Variants in EFHD1 observed in about 807,000 individuals in gnomAD.
The protein encoded by EFHD1 is EF-hand domain family member D1.
Under a neutral mutation model 17.2 loss-of-function variants are expected in EFHD1, and 10 were observed. That is an observed-to-expected ratio of 0.58 (90% CI 0.36 to 0.99). EFHD1 has a LOEUF of 0.99. Ranked by LOEUF, EFHD1 falls within the 50% of genes least tolerant of loss-of-function variation. The pLI is 0.01. For missense variants in EFHD1, 310 were observed against 327.5 expected (o/e 0.95, Z 0.41); for synonymous variants, 153 against 142.0 (o/e 1.08, Z -0.55).
upstream of EFHD1, among the ~76,000 whole-genome samples, chr2:232,629,615 C>T (rs568384345): frequency 5.9e-5 from 9 of 152,098 alleles, no homozygotes; most frequent in South Asian, 1.5e-3. Context: ...ACTACAGGTG[C>T]GTGTCACCAC....
rs551211470 is a variant in EFHD1, at chr2:232,606,908, A to T, written c.14+735A>T. Reference sequence around the variant, plus strand: ...CCGTCTCAAAAAAATAAAATAAAATAAAAATTAAAAAAAAATAAAGTTGGG... The same window carrying T: ...CCGTCTCAAAAAAATAAAATAAAATTAAAATTAAAAAAAAATAAAGTTGGG... On this transcript the variant is annotated intron_variant, in intron 1 of 3. Transcript: ENST00000409613. Among the ~76,000 whole-genome samples the T allele has an allele frequency of 4.4e-5, 6 of 135,848 alleles. No individual in the cohort carries two copies. In the East Asian group the frequency reaches 5.9e-4, roughly 13 times the overall value. The allele number at this position is 135,848 out of a possible 152,430, so 89.1% of individuals were successfully genotyped here.
intron 1 of EFHD1, among the ~76,000 whole-genome samples, chr2:232,647,134 A>G (rs1694545631): frequency 6.6e-6 from 1 of 152,228 alleles, no homozygotes; most frequent in East Asian, 1.9e-4. Context: ...CCTCATGACC[A>G]CTCGGTGTGC....
intron 1 of EFHD1, among the ~76,000 whole-genome samples, chr2:232,613,643 C>CATACACACACACACACAA (rs1553594022): frequency 4.4e-5 from 6 of 135,466 alleles, no homozygotes; most frequent in African/African-American, 1.7e-4. Context: ...TATACACACA[C>CATACACACACACACACAA]ATACACACAC....
chr2:232,647,886 C>T (rs1694564083), intron 1 of EFHD1, among the ~76,000 whole-genome samples: 1 of 152,162 alleles, frequency 6.6e-6, no homozygotes, highest in African/African-American at 2.4e-5. Flanking sequence ...ATCCACCCAC[C>T]TCGGCCTCCC....
chr2:232,609,023 A>AAAAATG (rs146949273), intron 1 of EFHD1, among the ~76,000 whole-genome samples: 5,498 of 148,934 alleles, frequency 0.037, 347 homozygotes, highest in African/African-American at 0.14. Flanking sequence ...ACAAGACCAA[A>AAAAATG]AAAATGTTTA....
chr2:232,654,206 C>CA (rs929121448), intron 1 of EFHD1, among the ~76,000 whole-genome samples: 7,010 of 82,418 alleles, frequency 0.085, 210 homozygotes, highest in African/African-American at 0.1. Flanking sequence ...GACTCCATCT[C>CA]AAAAAAAAAA....
In EFHD1 at chr2:232,648,593, G is replaced by A. The variant is rs1574718181; in HGVS notation, c.303-14209G>A. 2.0e-5 allele frequency among the ~76,000 whole-genome samples: 3 copies of A among 152,218 alleles called. No individual in the cohort carries two copies. In the East Asian group the frequency reaches 5.8e-4, roughly 29 times the overall value. ...AGGCACAGCTGGGGACACCCATAGGGTAACCCCAGGAGGGCCCCTGGGAAG... is the reference window on the plus strand; with the variant it reads ...AGGCACAGCTGGGGACACCCATAGGATAACCCCAGGAGGGCCCCTGGGAAG... On this transcript the variant is annotated intron_variant, in intron 1 of 3. Transcript: ENST00000264059.
intron 1 of EFHD1, among the ~76,000 whole-genome samples, chr2:232,625,232 A>G (rs1694086546): frequency 6.6e-6 from 1 of 152,050 alleles, no homozygotes; most frequent in African/African-American, 2.4e-5. Context: ...AGGCTCAAGC[A>G]ATCCTCCCAC....
chr2:232,661,290 A>G (rs1694863394), intron 1 of EFHD1, among the ~76,000 whole-genome samples: 1 of 152,078 alleles, frequency 6.6e-6, no homozygotes, highest in Non-Finnish European at 1.5e-5. Context: ...TTGAATCTCT[A>G]TCCATTGAAC....
intron 2 of EFHD1, among the ~76,000 whole-genome samples, chr2:232,666,255 A>T (rs897741400): frequency 1.3e-5 from 2 of 152,140 alleles, no homozygotes; most frequent in Non-Finnish European, 2.9e-5. Context: ...GGCCACAGAG[A>T]TCTGGATTTG....
At chr2:232,639,175 C>A (rs140393406) in intron 1 of EFHD1, among the ~76,000 whole-genome samples, 2 of 152,230 alleles carry the variant, frequency 1.3e-5, no homozygotes, top group Non-Finnish European at 2.9e-5. Context: ...CCTCCACCAT[C>A]CTTGTTACAG....
upstream of EFHD1, among the ~76,000 whole-genome samples, chr2:232,629,491 T>C (rs1175275888): frequency 6.6e-6 from 1 of 152,124 alleles, no homozygotes; most frequent in African/African-American, 2.4e-5. Flanking sequence ...TTTTTTCATA[T>C]GGAGTCTCAC....
intron 1 of EFHD1, among the ~76,000 whole-genome samples, chr2:232,627,060 ATATATTT>A (rs1257831516): frequency 1.5e-3 from 179 of 117,638 alleles, no homozygotes; most frequent in African/African-American, 5.3e-3. Context: ...ATATATATAT[ATATATTT>A]TTTTTTTTTT....
intron 1 of EFHD1, among the ~76,000 whole-genome samples, chr2:232,622,814 T>C (rs1694044409): frequency 6.6e-6 from 1 of 152,124 alleles, no homozygotes; most frequent in Non-Finnish European, 1.5e-5. Context: ...GCCAGTCTGA[T>C]TGAGATGAGC....
chr2:232,652,713 A>G (rs2106205217), intron 1 of EFHD1, among the ~76,000 whole-genome samples: 1 of 152,232 alleles, frequency 6.6e-6, no homozygotes, highest in East Asian at 1.9e-4. Context: ...TAGTTACTAC[A>G]TGTTTGGAAC....
chr2:232,625,263 G>A (rs970200377), intron 1 of EFHD1, among the ~76,000 whole-genome samples: 1 of 151,920 alleles, frequency 6.6e-6, no homozygotes, highest in Non-Finnish European at 1.5e-5. Flanking sequence ...GGAGTAGCTG[G>A]GACTACAGGA....
At chr2:232,621,261 G>A (rs1234748585) in intron 1 of EFHD1, among the ~76,000 whole-genome samples, 3 of 152,040 alleles carry the variant, frequency 2.0e-5, no homozygotes, top group East Asian at 3.9e-4. Context: ...AGATATGAAA[G>A]GGGTACACAG....
At chr2:232,629,333 T>C (rs1694161090), upstream of EFHD1, among the ~76,000 whole-genome samples, 1 of 152,232 alleles carries the variant, frequency 6.6e-6, no homozygotes, top group African/African-American at 2.4e-5. Context: ...GCTCATGGGA[T>C]GACACAGACA....
At chr2:232,606,108 A>T in exon 1 of EFHD1, 1 of 1,545,946 alleles carries the variant, frequency 6.5e-7, no homozygotes, top group Non-Finnish European at 8.8e-7. Context: ...CTTTCTCCGT[A>T]CTGTCCCTGT....
Sources: allele counts gnomAD v4.1 joint callset (sites outside exome capture counted in the v4.1 genomes callset), GRCh38; gene constraint gnomAD v4.1.1; transcripts MANE v1.5; gene names NCBI Gene and HGNC (gene_info 2026-07-23, HGNC 2026-07-21).